ESRRG: variants seen among roughly 807,000 people sequenced by gnomAD.
ESRRG encodes the protein estrogen related receptor gamma, also known as estrogen-related receptor gamma.
A neutral mutation model predicts 44.0 loss-of-function variants in ESRRG; 13 were observed. The observed-to-expected ratio is 0.30, with a 90% CI of 0.19 to 0.47. The LOEUF is 0.47. Among genes scored for constraint, ESRRG ranks in the 20% least tolerant of loss-of-function variants. ESRRG has a pLI of 1.00. For missense variants in ESRRG, 395 were observed against 580.6 expected (o/e 0.68, Z 3.29); for synonymous variants, 215 against 214.6 (o/e 1.00, Z -0.02).
intron 2 of ESRRG, among the ~76,000 whole-genome samples, chr1:216,772,691 T>TTTTGTTTG (rs528160143): frequency 1.2e-3 from 189 of 152,114 alleles, no homozygotes; most frequent in African/African-American, 4.4e-3. Context: ...ATAGTGAGTT[T>TTTTGTTTG]TTTGTTTGTT....
At chr1:217,100,300 T>G (rs1224992964) in intron 1 of ESRRG, among the ~76,000 whole-genome samples, 1 of 152,180 alleles carries the variant, frequency 6.6e-6, no homozygotes, top group Non-Finnish European at 1.5e-5. Context: ...GATATCTTGT[T>G]AAAAGCACAG....
At position 216,795,210 on chromosome 1, in the gene ESRRG, G is replaced by A. The variant is rs144766878; in HGVS notation, c.-13-117719C>T. On this transcript the variant is annotated intron_variant, in intron 2 of 7. Coordinates refer to the ESRRG transcript ENST00000359162. ...CTAAAGACTAAACCTTAAACTAACC[G>A]GGCTCACTGGAAAAATAAATGAACA... 6.3e-4 allele frequency among the ~76,000 whole-genome samples: 95 copies of A among 151,730 alleles called. 1 individual carries two copies. The East Asian group carries it at 0.016, about 26-fold the overall frequency.
At chr1:216,985,192 C>A (rs2074662151) in intron 1 of ESRRG, among the ~76,000 whole-genome samples, 1 of 152,154 alleles carries the variant, frequency 6.6e-6, no homozygotes, top group Non-Finnish European at 1.5e-5. Flanking sequence ...GTATCAGAGG[C>A]AGGTGTGATA....
At chr1:216,992,345 T>G (rs895981936) in intron 1 of ESRRG, among the ~76,000 whole-genome samples, 5 of 152,232 alleles carry the variant, frequency 3.3e-5, no homozygotes, top group Non-Finnish European at 7.3e-5. Context: ...AACCTGTTCT[T>G]AAACTCTCAG....
chr1:216,646,177 T>G (rs2067543591), intron 3 of ESRRG, among the ~76,000 whole-genome samples: 2 of 152,064 alleles, frequency 1.3e-5, no homozygotes, highest in South Asian at 4.1e-4. Context: ...TACTGTTGTC[T>G]CTCTTCATTT....
intron 1 of ESRRG, among the ~76,000 whole-genome samples, chr1:217,131,310 C>A (rs2102536195): frequency 6.6e-6 from 1 of 150,802 alleles, no homozygotes. Flanking sequence ...TATTAATGAC[C>A]AGGTTTATTC....
intron 2 of ESRRG, among the ~76,000 whole-genome samples, chr1:216,888,205 T>C (rs2057299529): frequency 1.3e-5 from 2 of 152,210 alleles, no homozygotes; most frequent in Admixed American, 1.3e-4. Flanking sequence ...CACTCTCCTC[T>C]AATTTAGGTG....
At chr1:216,547,308 AAG>A (rs1255917221) in intron 5 of ESRRG, among the ~76,000 whole-genome samples, 1 of 152,012 alleles carries the variant, frequency 6.6e-6, no homozygotes, top group African/African-American at 2.4e-5. Context: ...TGGGATGAGA[AAG>A]AGTAAAATTC....
At position 216,779,135 on chromosome 1, in the gene ESRRG, TA is replaced by T. The variant is rs1386142585; in HGVS notation, c.-13-101645del. On this transcript the variant is annotated intron_variant, in intron 2 of 7. Coordinates refer to the ESRRG transcript ENST00000359162. Reference sequence around the variant, plus strand: ...ATATATATAATTATATATGTAAATATAAATATATATTTATATATATATAAAA... The same window carrying T: ...ATATATATAATTATATATGTAAATATAATATATATTTATATATATATAAAA... 7.6e-5 allele frequency among the ~76,000 whole-genome samples: 9 copies of T among 118,284 alleles called. 1 individual carries two copies. The highest frequency in any genetic ancestry group is 7.1e-4 in the South Asian group (3 of 4,218). The allele number at this position is 118,284 out of a possible 152,430, so 77.6% of individuals were successfully genotyped here.
intron 1 of ESRRG, among the ~76,000 whole-genome samples, chr1:216,688,606 A>T (rs745418427): frequency 5.9e-5 from 9 of 152,186 alleles, no homozygotes; most frequent in Non-Finnish European, 5.9e-5. Flanking sequence ...CTGGTGACTT[A>T]TGTGAAGCAG....
intron 5 of ESRRG, among the ~76,000 whole-genome samples, chr1:216,563,214 C>T (rs957209664): frequency 3.3e-5 from 5 of 152,132 alleles, no homozygotes; most frequent in East Asian, 1.9e-4. Flanking sequence ...AGAACTACAA[C>T]GAACAAAGCC....
chr1:216,663,657 A>G (rs1006887627), intron 2 of ESRRG, among the ~76,000 whole-genome samples: 1 of 151,942 alleles, frequency 6.6e-6, no homozygotes, highest in African/African-American at 2.4e-5. Context: ...AAAAAAAGAG[A>G]CCAAGAGCAA....
intron 2 of ESRRG, among the ~76,000 whole-genome samples, chr1:216,900,541 G>A (rs971565770): frequency 6.8e-6 from 1 of 147,252 alleles, no homozygotes; most frequent in Admixed American, 6.9e-5. Context: ...TGTTTGGTCT[G>A]TTAAGGGGGG....
intron 6 of ESRRG, among the ~76,000 whole-genome samples, chr1:216,515,204 C>T (rs1202654588): frequency 1.3e-5 from 2 of 151,820 alleles, no homozygotes; most frequent in Non-Finnish European, 2.9e-5. Flanking sequence ...AAATATTCCT[C>T]TTTTTAGGTA....
intron 2 of ESRRG, among the ~76,000 whole-genome samples, chr1:216,760,306 T>C (rs2092700892): frequency 6.6e-6 from 1 of 151,926 alleles, no homozygotes; most frequent in Non-Finnish European, 1.5e-5. Context: ...ATATTTATAT[T>C]CTGAAGAATA....
chr1:217,076,565 G>A (rs1032136646), intron 1 of ESRRG, among the ~76,000 whole-genome samples: 6 of 152,166 alleles, frequency 3.9e-5, no homozygotes, highest in Non-Finnish European at 7.3e-5. Context: ...AAACTCTGAA[G>A]TTAGGACACA....
At chr1:216,519,574 G>A (rs892819627) in intron 5 of ESRRG, among the ~76,000 whole-genome samples, 153 bp from the exon 6 acceptor site, 3 of 152,004 alleles carry the variant, frequency 2.0e-5, no homozygotes, top group Non-Finnish European at 4.4e-5. Context: ...ATCACTTTGC[G>A]AACAGCAAAG....
chr1:217,085,199 A>G (rs1033872636), intron 1 of ESRRG, among the ~76,000 whole-genome samples: 8 of 152,032 alleles, frequency 5.3e-5, no homozygotes, highest in African/African-American at 1.9e-4. Context: ...ATTTCACAGA[A>G]ATTTTTATCA....
chr1:216,759,506 T>C (rs1217228197), intron 2 of ESRRG, among the ~76,000 whole-genome samples: 2 of 152,118 alleles, frequency 1.3e-5, no homozygotes, highest in African/African-American at 4.8e-5. Context: ...GAGTTCTTTT[T>C]TGATTTTTAA....
Sources: allele counts gnomAD v4.1 joint callset (sites outside exome capture counted in the v4.1 genomes callset), GRCh38; gene constraint gnomAD v4.1.1; transcripts MANE v1.5; gene names NCBI Gene and HGNC (gene_info 2026-07-23, HGNC 2026-07-21).